Variants in PLXNA4 observed in about 807,000 individuals in gnomAD.
The protein encoded by PLXNA4 is plexin-A4.
In PLXNA4, 44 loss-of-function variants were observed where a neutral mutation model predicts 191.8. The ratio of observed to expected loss-of-function variants is 0.23; its 90% CI spans 0.18 to 0.29. The LOEUF (loss-of-function observed/expected upper bound fraction) is 0.29. Among genes scored for constraint, PLXNA4 ranks in the 10% least tolerant of loss-of-function variants. The probability of loss-of-function intolerance (pLI) is 1.00; values close to 1 mark genes in which losing one functional copy is unlikely to be tolerated. For missense variants in PLXNA4, 1,800 were observed against 2,488.8 expected (o/e 0.72, Z 5.89); for synonymous variants, 1,082 against 1,009.5 (o/e 1.07, Z -1.36).
chr7:132,272,802 T>C (rs1024721782), intron 4 of PLXNA4, among the ~76,000 whole-genome samples: 1 of 152,180 alleles, frequency 6.6e-6, no homozygotes, highest in African/African-American at 2.4e-5. Context: ...TTCTCTCTGG[T>C]TTTCTCAGCA....
intron 3 of PLXNA4, among the ~76,000 whole-genome samples, chr7:132,417,109 C>G (rs370453186): frequency 2.6e-5 from 4 of 152,186 alleles, no homozygotes; most frequent in East Asian, 3.9e-4. Flanking sequence ...TATGCCCACT[C>G]TACAGGGACT....
At chr7:132,456,572 A>T (rs1003015139) in intron 3 of PLXNA4, among the ~76,000 whole-genome samples, 9 of 152,182 alleles carry the variant, frequency 5.9e-5, no homozygotes, top group African/African-American at 1.9e-4. Context: ...AAATTTTATT[A>T]TGGAGCTCTA....
rs779832724 is a variant in PLXNA4 at position 132,507,790 on chromosome 7, G to A, written c.904C>T (p.Arg302Cys). 427 of 1,613,946 alleles carry A rather than the reference G, an allele frequency of 2.6e-4. 1 individual carries two copies. Among genetic ancestry groups the A allele is most frequent in the South Asian group, 6.0e-4 (55 of 91,088 alleles). Reference sequence around the variant, plus strand: ...AGCAGGCGGTACTCCACCCCACTGCGCTCACAGCCAATGGGCACCTCTACA... The same window carrying A: ...AGCAGGCGGTACTCCACCCCACTGCACTCACAGCCAATGGGCACCTCTACA... Reference protein sequence around the residue: ...SYVEVPIGCERSGVEYRLLQA... With the variant: ...SYVEVPIGCECSGVEYRLLQA... The change falls in exon 2 of 32, where the codon CGC (arginine) becomes TGC (cysteine). Residue 302 changes from arginine (R) to cysteine (C), a missense_variant. Coordinates refer to ENST00000321063, the MANE Select transcript of PLXNA4 (RefSeq NM_020911.2).
intron 1 of PLXNA4, among the ~76,000 whole-genome samples, chr7:132,533,551 C>A (rs1413238128): frequency 5.3e-5 from 8 of 152,258 alleles, no homozygotes; most frequent in Admixed American, 4.6e-4. Flanking sequence ...AAACAAAAAA[C>A]CTTGGCTCCA....
chr7:132,371,870 C>A (rs1176991761), intron 3 of PLXNA4, among the ~76,000 whole-genome samples: 2 of 152,160 alleles, frequency 1.3e-5, no homozygotes, highest in Admixed American at 6.5e-5. Context: ...TCCATGAAAA[C>A]ACACTGAGAA....
At chr7:132,605,117 T>G (rs917379693) in intron 2 of PLXNA4, among the ~76,000 whole-genome samples, 7 of 152,190 alleles carry the variant, frequency 4.6e-5, no homozygotes, top group African/African-American at 1.7e-4. Context: ...TCTCACAACT[T>G]ACGAGATTGG....
intron 3 of PLXNA4, among the ~76,000 whole-genome samples, chr7:132,413,318 A>T (rs1794534637): frequency 6.6e-6 from 1 of 152,108 alleles, no homozygotes; most frequent in African/African-American, 2.4e-5. Flanking sequence ...GGTTTGCTTC[A>T]CTGGCTGGGC....
chr7:132,209,951 T>G (rs1797742542), intron 10 of PLXNA4, among the ~76,000 whole-genome samples: 1 of 152,148 alleles, frequency 6.6e-6, no homozygotes, highest in South Asian at 2.1e-4. Flanking sequence ...GAGCTCAGCT[T>G]CTGGGCCTAC....
At chr7:132,435,605 G>C (rs1242848047) in intron 3 of PLXNA4, among the ~76,000 whole-genome samples, 2 of 152,204 alleles carry the variant, frequency 1.3e-5, no homozygotes, top group East Asian at 1.9e-4. Context: ...GAAGGAGTCA[G>C]AGATACAGCC....
chr7:132,330,102 G>A (rs1802533473), intron 3 of PLXNA4, among the ~76,000 whole-genome samples: 1 of 152,180 alleles, frequency 6.6e-6, no homozygotes, highest in Non-Finnish European at 1.5e-5. Flanking sequence ...GATTTTTAGG[G>A]AATGAGTGGG....
At chr7:132,445,812 TG>T (rs1465058421) in intron 3 of PLXNA4, among the ~76,000 whole-genome samples, 2 of 152,214 alleles carry the variant, frequency 1.3e-5, no homozygotes, top group Non-Finnish European at 2.9e-5. Context: ...CTCTTCTCTC[TG>T]GGGGCTCTGC....
At chr7:132,510,778 G>T (rs551208723) in intron 1 of PLXNA4, among the ~76,000 whole-genome samples, 2 of 152,160 alleles carry the variant, frequency 1.3e-5, no homozygotes, top group Admixed American at 6.5e-5. Context: ...TAGGGGAGGG[G>T]TCTACATAGC....
At chr7:132,431,291 T>C (rs913681105) in intron 3 of PLXNA4, among the ~76,000 whole-genome samples, 12 of 152,098 alleles carry the variant, frequency 7.9e-5, no homozygotes. Flanking sequence ...GAAGGGTAGT[T>C]GACCACAGTC....
chr7:132,172,103 G>A (rs1456202237), intron 21 of PLXNA4, among the ~76,000 whole-genome samples: 2 of 152,246 alleles, frequency 1.3e-5, no homozygotes, highest in East Asian at 3.9e-4. Context: ...GGTCAGGAGT[G>A]TCCAAAACAG....
At chr7:132,274,447 C>G (rs1800196432) in intron 4 of PLXNA4, among the ~76,000 whole-genome samples, 1 of 152,132 alleles carries the variant, frequency 6.6e-6, no homozygotes, top group Non-Finnish European at 1.5e-5. Flanking sequence ...GACATTAACA[C>G]TGGTACAATA....
intron 1 of PLXNA4, among the ~76,000 whole-genome samples, chr7:132,568,005 G>A (rs531447565): frequency 6.6e-6 from 1 of 152,236 alleles, no homozygotes; most frequent in African/African-American, 2.4e-5. Flanking sequence ...CAAGAGAGCA[G>A]GGAAAGAGGT....
chr7:132,236,475 G>A (rs868784186), intron 5 of PLXNA4, among the ~76,000 whole-genome samples: 4 of 152,132 alleles, frequency 2.6e-5, no homozygotes, highest in Admixed American at 6.5e-5. Context: ...TGAAGATCAG[G>A]CTTGTTGAGG....
rs768212813 is a variant in PLXNA4, at chr7:132,508,130, T to C, written c.564A>G (p.Ala188=). 3 of 1,614,220 alleles carry C rather than the reference T, an allele frequency of 1.9e-6. No homozygotes were observed. The highest frequency in any genetic ancestry group is 1.6e-4 in the Middle Eastern group (1 of 6,062). The change falls in exon 2 of 32, where the codon GCA becomes GCG. Residue 188 remains alanine (A), a synonymous_variant. Transcript: ENST00000321063. This position sits in a 1 kb window ranked among gnomAD's most constrained non-coding sequence, Gnocchi z 4.4. ...NLDDKLFIAT[A]VDGKPEYFPT... Reference sequence around the variant, plus strand: ...GAAAATACTCGGGCTTCCCATCCACTGCCGTGGCAATGAACAGCTTGTCAT... The same window carrying C: ...GAAAATACTCGGGCTTCCCATCCACCGCCGTGGCAATGAACAGCTTGTCAT...
chr7:132,562,467 C>A (rs1585344178), intron 1 of PLXNA4, among the ~76,000 whole-genome samples: 1 of 90,594 alleles, frequency 1.1e-5, no homozygotes, highest in African/African-American at 4.0e-5. Flanking sequence ...TCCTCCTCCT[C>A]CTTTCTCCTC....
Sources: gnomAD v4.1 joint callset for allele counts (sites outside exome capture counted in the v4.1 genomes callset) on GRCh38, gnomAD v4.1.1 for gene constraint, Gnocchi (gnomAD v3.1) non-coding constraint, MANE v1.5 for transcripts, NCBI Gene and HGNC (gene_info 2026-07-23, HGNC 2026-07-21) for gene names.